ST3GAL4: variants seen among roughly 807,000 people sequenced by gnomAD.
ST3GAL4 encodes ST3 beta-galactoside alpha-2,3-sialyltransferase 4.
In ST3GAL4, 24 loss-of-function variants were observed where a neutral mutation model predicts 42.6. The ratio of observed to expected loss-of-function variants is 0.56; its 90% CI spans 0.41 to 0.79. The LOEUF is 0.79. Ranked by LOEUF, ST3GAL4 falls within the 30% of genes least tolerant of loss-of-function variation. The probability of loss-of-function intolerance (pLI) is 0.00; values close to 1 mark genes in which losing one functional copy is unlikely to be tolerated. For synonymous variants in ST3GAL4, 135 were observed against 163.2 expected (o/e 0.83, Z 1.32); for missense variants, 311 against 430.8 (o/e 0.72, Z 2.46).
chr11:126,408,212 T>C lies in ST3GAL4; in HGVS notation c.437+18T>C, dbSNP rs1954349751. 1.2e-6 allele frequency: 2 copies of C among 1,613,796 alleles called. No homozygotes were observed. The highest frequency in any genetic ancestry group is 1.6e-4 in the Middle Eastern group (1 of 6,062). Reference sequence around the variant, plus strand: ...GTCATCAGGTGTGTGTGACTGTCTCTTCCTACTGTTGTTTGGGAACTGGAT... The same window carrying C: ...GTCATCAGGTGTGTGTGACTGTCTCCTCCTACTGTTGTTTGGGAACTGGAT... On this transcript the variant is annotated intron_variant, in intron 7 of 10. Transcript: ENST00000444328.
At chr11:126,381,142 T>G (rs1385161409) in intron 1 of ST3GAL4, among the ~76,000 whole-genome samples, 1 of 152,178 alleles carries the variant, frequency 6.6e-6, no homozygotes. Flanking sequence ...GACCCTAGCT[T>G]TGCACTGTGG....
In ST3GAL4 at chr11:126,407,011, A is replaced by C; in HGVS notation, c.170A>C (p.Lys57Thr). The C allele has an allele frequency of 6.2e-7, 1 of 1,613,978 alleles. No homozygotes were observed. The highest frequency in any genetic ancestry group is 8.5e-7 in the Non-Finnish European group (1 of 1,179,902). Residue 57 changes from lysine to threonine, a missense_variant, in exon 4 of 11, where the codon AAG becomes ACG. By Grantham distance (78) the Lys-to-Thr change is moderately conservative (BLOSUM62 -1). Coordinates refer to ENST00000444328, the MANE Select transcript of ST3GAL4 (RefSeq NM_001254757.2). ...LQGEAESKASKLFGNYSRDQP... is the reference protein window; with the variant it reads ...LQGEAESKASTLFGNYSRDQP... ...GGTGAGGCAGAGAGCAAGGCCTCTA[A>C]GCTCTTTGGCAAGTAAGTACTTAAG...
intron 1 of ST3GAL4, among the ~76,000 whole-genome samples, chr11:126,360,413 T>TTTTG (rs957105623): frequency 1.3e-5 from 2 of 152,088 alleles, no homozygotes; most frequent in Admixed American, 6.5e-5. Context: ...CCAGGCTGGT[T>TTTTG]TTTGTTTGTT....
Position 126,384,306 on chromosome 11 carries a change from A to T in ST3GAL4, c.-60-21790A>T, listed in dbSNP as rs954565490. ...TCTGAGCCCAGATCTCCGGTGCTCCAAGACACTCAAAACCAGAGCTGAGAG... is the reference window on the plus strand; with the variant it reads ...TCTGAGCCCAGATCTCCGGTGCTCCTAGACACTCAAAACCAGAGCTGAGAG... On this transcript the variant is annotated intron_variant, in intron 1 of 10. Coordinates refer to ENST00000444328, the MANE Select transcript of ST3GAL4 (RefSeq NM_001254757.2). The surrounding 1 kb of genome is among the most constrained non-coding windows in gnomAD (Gnocchi z 5.5). 6.6e-6 allele frequency among the ~76,000 whole-genome samples: 1 copy of T among 152,198 alleles called. No individual in the cohort carries two copies. Among genetic ancestry groups the T allele is most frequent in the Non-Finnish European group, 1.5e-5 (1 of 68,046 alleles).
rs1488619023 is a variant in ST3GAL4, at chr11:126,373,208, CA to C, written c.-61+17367del. On this transcript the variant is annotated intron_variant, in intron 1 of 10. Coordinates refer to ENST00000444328, the MANE Select transcript of ST3GAL4 (RefSeq NM_001254757.2). This position sits in a 1 kb window ranked among gnomAD's most constrained non-coding sequence, Gnocchi z 5.5. Reference sequence around the variant, plus strand: ...GGTGCTGCTTTGGAGATGGATTAATCAGGAACTTGGGTGCTGATTCTAGGAG... The same window carrying C: ...GGTGCTGCTTTGGAGATGGATTAATCGGAACTTGGGTGCTGATTCTAGGAG... Among the ~76,000 whole-genome samples the C allele has an allele frequency of 6.6e-6, 1 of 152,122 alleles. No homozygotes were observed. Among genetic ancestry groups the C allele is most frequent in the African/African-American group, 2.4e-5 (1 of 41,416 alleles).
chr11:126,365,330 G>T, intron 1 of ST3GAL4, among the ~76,000 whole-genome samples: 1 of 151,758 alleles, frequency 6.6e-6, no homozygotes, highest in African/African-American at 2.4e-5. Context: ...GGACAAGGAT[G>T]GTTCCTCAGG....
intron 1 of ST3GAL4, among the ~76,000 whole-genome samples, chr11:126,370,544 T>C (rs1952602872): frequency 6.6e-6 from 1 of 152,242 alleles, no homozygotes. Context: ...ATCTTGCAAA[T>C]GCACTTCTTA....
chr11:126,375,378 C>G (rs1952797717), intron 1 of ST3GAL4, among the ~76,000 whole-genome samples: 1 of 152,136 alleles, frequency 6.6e-6, no homozygotes, highest in Non-Finnish European at 1.5e-5. Flanking sequence ...GTGCTTGAGA[C>G]CCCTTCCCCT....
At chr11:126,412,143 C>T (rs1304246960) in intron 9 of ST3GAL4, among the ~76,000 whole-genome samples, 1 of 151,924 alleles carries the variant, frequency 6.6e-6, no homozygotes, top group Non-Finnish European at 1.5e-5. Context: ...AGAGAGAGTG[C>T]AAGGAAGAGG....
Position 126,384,660 on chromosome 11 carries a change from AGATG to A in ST3GAL4, c.-60-21433_-60-21430del. 1.0e-6 allele frequency: 1 copy of A among 984,914 alleles called. No individual in the cohort carries two copies. The allele number at this position is 984,914 out of a possible 1,614,324, so 61.0% of individuals were successfully genotyped here. On this transcript the variant is annotated intron_variant, in intron 1 of 10. Transcript: ENST00000444328. This position sits in a 1 kb window ranked among gnomAD's most constrained non-coding sequence, Gnocchi z 5.5. Reference sequence around the variant, plus strand: ...CAGGATGTGCTACACCCAGACAGACAGATGGAGAGCCACCTCCCTAGGGGCCTCC... The same window carrying A: ...CAGGATGTGCTACACCCAGACAGACAGAGAGCCACCTCCCTAGGGGCCTCC...
intron 1 of ST3GAL4, among the ~76,000 whole-genome samples, chr11:126,388,524 G>T (rs1953324346): frequency 6.6e-6 from 1 of 151,300 alleles, no homozygotes; most frequent in Non-Finnish European, 1.5e-5. Context: ...AGAGGTGGGG[G>T]TTTTACCATG....
In ST3GAL4 at chr11:126,379,082, A is replaced by G. The variant is rs1214058372; in HGVS notation, c.-61+23240A>G. Among the ~76,000 whole-genome samples the G allele has an allele frequency of 6.6e-6, 1 of 152,248 alleles. No homozygotes were observed. The highest frequency in any genetic ancestry group is 1.5e-5 in the Non-Finnish European group (1 of 68,044). On this transcript the variant is annotated intron_variant, in intron 1 of 10. Transcript: ENST00000444328. This position sits in a 1 kb window ranked among gnomAD's most constrained non-coding sequence, Gnocchi z 4.2. ...GCTACACTGGTTGATCATAAATATCAGCCAACTGCCAAGGGAAGGATACCA... is the reference window on the plus strand; with the variant it reads ...GCTACACTGGTTGATCATAAATATCGGCCAACTGCCAAGGGAAGGATACCA...
At chr11:126,403,099 C>A (rs556545303) in intron 1 of ST3GAL4, 4 of 152,568 alleles carry the variant, frequency 2.6e-5, no homozygotes, top group South Asian at 4.1e-4. Flanking sequence ...GCAGCCAGCC[C>A]CGGAAGCCCT....
chr11:126,355,747 G>A lies in ST3GAL4; in HGVS notation c.-156G>A, dbSNP rs989276751. ...CCCGGGACAGGGACCCGGCCGAGTC[G>A]AGCCGTCGCGCCAGCGCTGCGCCGC... On this transcript the variant is annotated 5_prime_UTR_variant, in exon 1 of 11. Coordinates refer to ENST00000444328, the MANE Select transcript of ST3GAL4 (RefSeq NM_001254757.2). The surrounding 1 kb of genome is among the most constrained non-coding windows in gnomAD (Gnocchi z 7.1). 6.6e-5 allele frequency: 10 copies of A among 151,618 alleles called. No individual in the cohort carries two copies. The highest frequency in any genetic ancestry group is 3.2e-3 in the Middle Eastern group (1 of 314). 9.4% of individuals were successfully genotyped at this position (151,618 alleles called of 1,614,324 possible).
At chr11:126,390,017 C>A (rs7947866) in intron 1 of ST3GAL4, among the ~76,000 whole-genome samples, 147 of 114,526 alleles carry the variant, frequency 1.3e-3, no homozygotes, top group African/African-American at 1.4e-3. Context: ...GCTAAAAATA[C>A]AAAAAAAAAA....
At chr11:126,361,199 C>T (rs751790433) in intron 1 of ST3GAL4, among the ~76,000 whole-genome samples, 16 of 152,214 alleles carry the variant, frequency 1.1e-4, no homozygotes, top group Admixed American at 3.3e-4. Context: ...GGTACCCCTA[C>T]GGTGGAACCC....
rs1019660492 is a variant in ST3GAL4 at position 126,393,039 on chromosome 11, CAG to C, written c.-60-13056_-60-13055del. Among the ~76,000 whole-genome samples the C allele has an allele frequency of 6.7e-6, 1 of 150,356 alleles. No individual in the cohort carries two copies. The highest frequency in any genetic ancestry group is 1.5e-5 in the Non-Finnish European group (1 of 67,866). On this transcript the variant is annotated intron_variant, in intron 1 of 10. Coordinates refer to ENST00000444328, the MANE Select transcript of ST3GAL4 (RefSeq NM_001254757.2). This position sits in a 1 kb window ranked among gnomAD's most constrained non-coding sequence, Gnocchi z 5.9. ...TACTGCAGCCTCGATCTCCTGGACT[CAG>C]GGGGTCCTCCTGTCTCAGCCTCCCA... is the stretch of plus-strand genomic sequence containing the variant.
chr11:126,374,250 G>A (rs757980238), intron 1 of ST3GAL4, among the ~76,000 whole-genome samples: 11 of 151,902 alleles, frequency 7.2e-5, no homozygotes, highest in African/African-American at 9.7e-5. Flanking sequence ...TCAGGAGTTC[G>A]AGACCAGCCT....
intron 1 of ST3GAL4, among the ~76,000 whole-genome samples, chr11:126,390,017 C>CAAAAAAAAAAAAAAAAAA (rs57306343): frequency 2.6e-5 from 3 of 114,586 alleles, no homozygotes; most frequent in East Asian, 5.3e-4. Flanking sequence ...GCTAAAAATA[C>CAAAAAAAAAAAAAAAAAA]AAAAAAAAAA....
Sources: gnomAD v4.1 joint callset for allele counts (sites outside exome capture counted in the v4.1 genomes callset) on GRCh38, gnomAD v4.1.1 for gene constraint, Gnocchi (gnomAD v3.1) non-coding constraint, MANE v1.5 for transcripts, NCBI Gene and HGNC (gene_info 2026-07-23, HGNC 2026-07-21) for gene names.